RABGAP1L: variants seen among roughly 807,000 people sequenced by gnomAD.
The protein encoded by RABGAP1L is RAB GTPase activating protein 1 like.
Under a neutral mutation model 137.7 loss-of-function variants are expected in RABGAP1L, and 63 were observed. The observed-to-expected ratio is 0.46, with a 90% CI of 0.37 to 0.56. The LOEUF is 0.56. RABGAP1L is among the 20% of genes least tolerant of loss of function. The probability of loss-of-function intolerance (pLI) is 0.00; values close to 1 mark genes in which losing one functional copy is unlikely to be tolerated. For missense variants in RABGAP1L, 1,095 were observed against 1,244.0 expected, an observed-to-expected ratio of 0.88 and a Z score of 1.80; for synonymous variants, 431 against 433.7, an observed-to-expected ratio of 0.99 and a Z score of 0.08.
chr1:174,274,724 A>C (rs1488434928), intron 8 of RABGAP1L, among the ~76,000 whole-genome samples: 1 of 151,552 alleles, frequency 6.6e-6, no homozygotes, highest in Non-Finnish European at 1.5e-5. Flanking sequence ...AGTGTATTTC[A>C]TCTCTGGAAT....
Position 174,272,453 on chromosome 1 carries a change from G to C in RABGAP1L, c.1026G>C (p.Lys342Asn). 5 of 1,601,606 alleles carry C rather than the reference G, an allele frequency of 3.1e-6. No homozygotes were observed. The highest frequency in any genetic ancestry group is 4.3e-6 in the Non-Finnish European group (5 of 1,175,364). The change falls in exon 8 of 26, where the codon AAG (lysine) becomes AAC (asparagine). Residue 342 changes from lysine (K) to asparagine (N), a missense_variant. Coordinates refer to ENST00000681986, the MANE Select transcript of RABGAP1L (RefSeq NM_001366446.1). The stretch of plus-strand genomic sequence containing the variant: ...TATTAAGCCCAGGTCGAAACGTGAA[G>C]AACAGTGACATGCATTTACTGGATA... Reference protein sequence around the residue: ...GMLLSPGRNVKNSDMHLLDME... With the variant: ...GMLLSPGRNVNNSDMHLLDME...
intron 14 of RABGAP1L, among the ~76,000 whole-genome samples, chr1:174,638,480 A>C (rs1038377015): frequency 1.3e-5 from 2 of 151,880 alleles, no homozygotes; most frequent in African/African-American, 4.8e-5. Flanking sequence ...CAGTGTGGCG[A>C]TTCCTCAGGG....
chr1:174,765,483 G>A (rs936788274), intron 18 of RABGAP1L, among the ~76,000 whole-genome samples: 3 of 152,138 alleles, frequency 2.0e-5, no homozygotes, highest in African/African-American at 4.8e-5. Context: ...TGCCCAGGCT[G>A]GAATGCAGTG....
intron 17 of RABGAP1L, among the ~76,000 whole-genome samples, chr1:174,730,784 G>A (rs184843145): frequency 4.8e-4 from 73 of 152,138 alleles, no homozygotes; most frequent in Admixed American, 1.5e-3. Context: ...CAAGTTCAAG[G>A]TCCTAAAGGA....
chr1:174,638,534 T>C (rs10798321), intron 14 of RABGAP1L, among the ~76,000 whole-genome samples: 130,569 of 148,910 alleles, frequency 0.88, 57,660 homozygotes, highest in East Asian at 1. Flanking sequence ...TCCCATTACT[T>C]GGTATATACC....
At chr1:174,965,383 C>T (rs1163773598) in intron 20 of RABGAP1L, among the ~76,000 whole-genome samples, 1 of 152,156 alleles carries the variant, frequency 6.6e-6, no homozygotes, top group East Asian at 1.9e-4. Flanking sequence ...AGTCTGTCTT[C>T]CATGGGCAAC....
chr1:174,827,423 A>C (rs1169878750), intron 19 of RABGAP1L, among the ~76,000 whole-genome samples: 5 of 120,852 alleles, frequency 4.1e-5, no homozygotes, highest in South Asian at 5.8e-4. Context: ...CAGATACTGG[A>C]GGTACTGGGA....
At chr1:174,563,218 G>T (rs925528847) in intron 13 of RABGAP1L, among the ~76,000 whole-genome samples, 1 of 152,092 alleles carries the variant, frequency 6.6e-6, no homozygotes, top group Non-Finnish European at 1.5e-5. Context: ...GCACTGAGTC[G>T]TGAGCTGTAG....
At chr1:174,402,606 C>T (rs1037133883) in intron 13 of RABGAP1L, among the ~76,000 whole-genome samples, 44 of 152,128 alleles carry the variant, frequency 2.9e-4, no homozygotes, top group African/African-American at 1.0e-3. Context: ...GCTGATGAAT[C>T]ACTGGAAGAC....
In RABGAP1L at chr1:174,994,900, T is replaced by G. The variant is rs902244550; in HGVS notation, c.*4899T>G. 6.6e-6 allele frequency: 1 copy of G among 152,222 alleles called. No individual in the cohort carries two copies. The highest frequency in any genetic ancestry group is 2.4e-5 in the African/African-American group (1 of 41,454). 9.4% of individuals were successfully genotyped at this position (152,222 alleles called of 1,614,324 possible). A position where few individuals can be genotyped will look rare whatever the true frequency, so the allele number is the denominator to read the frequency against. On this transcript the variant is annotated 3_prime_UTR_variant, in exon 26 of 26. Coordinates refer to ENST00000681986, the MANE Select transcript of RABGAP1L (RefSeq NM_001366446.1). Reference sequence around the variant, plus strand: ...ATTCCATTATTTTGTCCATGGCATCTCTAATGAAAACAGGTTCTAGAATAA... The same window carrying G: ...ATTCCATTATTTTGTCCATGGCATCGCTAATGAAAACAGGTTCTAGAATAA...
chr1:174,199,465 T>C (rs574980525), intron 1 of RABGAP1L, among the ~76,000 whole-genome samples: 55 of 152,208 alleles, frequency 3.6e-4, no homozygotes, highest in African/African-American at 1.3e-3. Context: ...CCAATTTCTG[T>C]ATTTTTAGTA....
intron 13 of RABGAP1L, among the ~76,000 whole-genome samples, chr1:174,420,068 C>A (rs1400666733): frequency 6.6e-6 from 1 of 152,088 alleles, no homozygotes; most frequent in Non-Finnish European, 1.5e-5. Flanking sequence ...TTTTGTTTCC[C>A]ATTCCTTCTC....
intron 7 of RABGAP1L, among the ~76,000 whole-genome samples, chr1:174,256,445 T>C (rs1220496746): frequency 1.3e-5 from 2 of 152,134 alleles, no homozygotes; most frequent in Non-Finnish European, 2.9e-5. Flanking sequence ...TTACTTTTTT[T>C]CTTCCTTGCA....
At chr1:174,372,119 T>G (rs925138190) in intron 12 of RABGAP1L, among the ~76,000 whole-genome samples, 1 of 152,146 alleles carries the variant, frequency 6.6e-6, no homozygotes, top group East Asian at 1.9e-4. Flanking sequence ...TCACATAAAA[T>G]GAACACATTT....
chr1:174,387,695 CT>C (rs1686910370), intron 12 of RABGAP1L, among the ~76,000 whole-genome samples: 1 of 152,012 alleles, frequency 6.6e-6, no homozygotes, highest in East Asian at 1.9e-4. Context: ...GAAAAGACTT[CT>C]GAGGTAGAAA....
Position 174,318,344 on chromosome 1 carries a change from C to T in RABGAP1L, c.1465+13217C>T, listed in dbSNP as rs1341757264. On this transcript the variant is annotated intron_variant, in intron 11 of 25. Coordinates refer to ENST00000681986, the MANE Select transcript of RABGAP1L (RefSeq NM_001366446.1). ...TTTATTTGCATGGGATAACTTTTCT[C>T]TTCACTACATTTTTAGGTAAAGTGA... Among the ~76,000 whole-genome samples, 4 of 152,246 alleles carry T rather than the reference C, an allele frequency of 2.6e-5. No homozygotes were observed. In the South Asian group the frequency reaches 8.3e-4, roughly 32 times the overall value.
intron 19 of RABGAP1L, among the ~76,000 whole-genome samples, chr1:174,863,235 A>AAAAAAAAG (rs765417924): frequency 0.1 from 14,985 of 144,694 alleles, 1,481 homozygotes; most frequent in East Asian, 0.21. Flanking sequence ...GTTTGTAGCA[A>AAAAAAAAG]AAAAAAAAAA....
At chr1:174,505,640 G>A (rs1661745559) in intron 13 of RABGAP1L, among the ~76,000 whole-genome samples, 1 of 151,984 alleles carries the variant, frequency 6.6e-6, no homozygotes, top group African/African-American at 2.4e-5. Context: ...TTAGCAAAAA[G>A]ACAAAAGATA....
At chr1:174,349,044 C>CGGGT (rs1553278343) in intron 11 of RABGAP1L, among the ~76,000 whole-genome samples, 4 of 102,812 alleles carry the variant, frequency 3.9e-5, no homozygotes, top group Non-Finnish European at 6.1e-5. Context: ...GCTGGCCGGG[C>CGGGT]GGGGGGGGGG....
Sources: allele counts gnomAD v4.1 joint callset (sites outside exome capture counted in the v4.1 genomes callset), GRCh38; gene constraint gnomAD v4.1.1; transcripts MANE v1.5; gene names NCBI Gene and HGNC (gene_info 2026-07-23, HGNC 2026-07-21).